ZNF718: variants seen among roughly 807,000 people sequenced by gnomAD.
ZNF718 encodes the protein zinc finger protein 718.
ZNF718 carries 3 observed loss-of-function variants against 2.6 expected under a neutral mutation model. The ratio of observed to expected loss-of-function variants is 1.16; its 90% CI spans 0.53 to 3.01. The LOEUF is 3.01. Ranked by LOEUF, ZNF718 falls within the 30% of genes most tolerant of loss-of-function variation. The pLI, the probability that ZNF718 is intolerant of heterozygous loss-of-function variation, is 0.03. For missense variants in ZNF718, 468 were observed against 230.0 expected (o/e 2.03, Z -6.69); for synonymous variants, 135 against 77.9 (o/e 1.73, Z -3.86).
chr4:172,724 A>G (rs1241466616), intron 3 of ZNF718, among the ~76,000 whole-genome samples: 8 of 152,172 alleles, frequency 5.3e-5, no homozygotes, highest in Non-Finnish European at 7.3e-5. Context: ...GAAACAACTG[A>G]TACTTTTTTT....
downstream of ZNF718, among the ~76,000 whole-genome samples, chr4:167,894 C>T (rs1456015338): frequency 2.0e-5 from 3 of 151,992 alleles, no homozygotes; most frequent in South Asian, 2.1e-4. Flanking sequence ...TGTGTTGAAT[C>T]GGAGTGGTGA....
At chr4:177,587 G>C (rs1717375472) in intron 3 of ZNF718, among the ~76,000 whole-genome samples, 1 of 152,028 alleles carries the variant, frequency 6.6e-6, no homozygotes, top group Non-Finnish European at 1.5e-5. Flanking sequence ...AACCAGATTT[G>C]TTCCTTCTCA....
chr4:165,374 T>C (rs1717063389), downstream of ZNF718, among the ~76,000 whole-genome samples: 1 of 152,208 alleles, frequency 6.6e-6, no homozygotes, highest in African/African-American at 2.4e-5. Flanking sequence ...TATGAAATTC[T>C]AAACAAAGTA....
chr4:195,700 T>C (rs1366725545), intron 3 of ZNF718, among the ~76,000 whole-genome samples: 3 of 152,112 alleles, frequency 2.0e-5, no homozygotes, highest in Admixed American at 6.5e-5. Context: ...CCGCTACAGA[T>C]TGAATGCATT....
At position 124,634 on chromosome 4, in the gene ZNF718, C is replaced by T; in HGVS notation, c.-37C>T. 6.2e-7 allele frequency: 1 copy of T among 1,605,922 alleles called. No homozygotes were observed. The highest frequency in any genetic ancestry group is 1.3e-5 in the African/African-American group (1 of 74,984). On this transcript the variant is annotated 5_prime_UTR_variant, in exon 1 of 4. Coordinates refer to ENST00000510175, the MANE Select transcript of ZNF718 (RefSeq NM_001039127.6). ...TGTGACCTGCCGGTATTGGATGATT[C>T]GTATCTAAGACTCTGGGACACTCCT...
At chr4:140,736 C>T (rs114382618) in intron 3 of ZNF718, among the ~76,000 whole-genome samples, 2,730 of 152,198 alleles carry the variant, frequency 0.018, 87 homozygotes, top group African/African-American at 0.062. Context: ...GTATACATGT[C>T]TAGATGTCTT....
intron 3 of ZNF718, among the ~76,000 whole-genome samples, chr4:139,777 C>T (rs753914484): frequency 2.0e-5 from 3 of 152,186 alleles, no homozygotes; most frequent in African/African-American, 7.2e-5. Context: ...CCTTTCTGCT[C>T]CATACAAGAG....
At chr4:158,477 A>G (rs1716675290) in intron 3 of ZNF718, among the ~76,000 whole-genome samples, 1 of 112,234 alleles carries the variant, frequency 8.9e-6, no homozygotes, top group East Asian at 4.6e-4. Context: ...TGATTTTTGT[A>G]TTGATAGGCC....
downstream of ZNF718, among the ~76,000 whole-genome samples, chr4:167,082 T>TC (rs1196745538): frequency 6.6e-6 from 1 of 152,188 alleles, no homozygotes; most frequent in Non-Finnish European, 1.5e-5. Context: ...TAGCCAGTTT[T>TC]CCCAGCACCA....
In ZNF718 at chr4:124,523, C is replaced by T. The variant is rs1452985541; in HGVS notation, c.-148C>T. ...CGCGGCTTTTGCTTGTAGCTCCAGC[C>T]AGAGCTCGGTTAGGGCCTCATCGCT... is the stretch of plus-strand genomic sequence containing the variant. On this transcript the variant is annotated 5_prime_UTR_variant, in exon 1 of 4. Transcript: ENST00000510175. 5 of 1,136,974 alleles carry T rather than the reference C, an allele frequency of 4.4e-6. No homozygotes were observed. Among genetic ancestry groups the T allele is most frequent in the African/African-American group, 1.5e-5 (1 of 65,352 alleles). 70.4% of individuals were successfully genotyped at this position (1,136,974 alleles called of 1,614,324 possible). A position where few individuals can be genotyped will look rare whatever the true frequency, so the allele number is the denominator to read the frequency against.
intron 3 of ZNF718, among the ~76,000 whole-genome samples, chr4:176,216 C>CCCCT (rs1481781169): frequency 6.6e-6 from 1 of 152,108 alleles, no homozygotes; most frequent in Non-Finnish European, 1.5e-5. Flanking sequence ...GAATTCCATT[C>CCCCT]AGGGTAAAAA....
At chr4:196,507 G>C (rs1376846337) in intron 3 of ZNF718, among the ~76,000 whole-genome samples, 1 of 152,184 alleles carries the variant, frequency 6.6e-6, no homozygotes, top group Non-Finnish European at 1.5e-5. Context: ...AGATACAGAG[G>C]TAAGGAGAAT....
chr4:199,073 AT>A (rs1198280020), intron 3 of ZNF718, among the ~76,000 whole-genome samples: 1 of 152,170 alleles, frequency 6.6e-6, no homozygotes, highest in African/African-American at 2.4e-5. Flanking sequence ...GAACAAAATT[AT>A]GTGTGTGAGC....
Position 131,443 on chromosome 4 carries a change from G to A in ZNF718, c.164G>A (p.Ser55Asn). The change falls in exon 3 of 4, where the codon AGT (serine) becomes AAT (asparagine). Residue 55 changes from serine to asparagine, a missense_variant. Ser to Asn is a conservative substitution (Grantham distance 46). Coordinates refer to ENST00000510175, the MANE Select transcript of ZNF718 (RefSeq NM_001039127.6). ...VSISNPDLVT[S>N]LEQRKEPYNL... ...ATCTCTAACCCAGACCTGGTCACCA[G>A]TCTGGAGCAAAGAAAAGAGCCCTAC... 1.9e-6 allele frequency: 1 copy of A among 526,456 alleles called. No homozygotes were observed. Among genetic ancestry groups the A allele is most frequent in the South Asian group, 3.2e-5 (1 of 31,576 alleles). 32.6% of individuals were successfully genotyped at this position (526,456 alleles called of 1,614,324 possible). A position where few individuals can be genotyped will look rare whatever the true frequency, so the allele number is the denominator to read the frequency against.
At chr4:193,461 TCTC>T (rs1314801990) in intron 3 of ZNF718, among the ~76,000 whole-genome samples, 2 of 152,236 alleles carry the variant, frequency 1.3e-5, no homozygotes, top group South Asian at 2.1e-4. Context: ...CCTTTTTCCT[TCTC>T]CTAATTCTAG....
At chr4:137,411 T>C (rs1466077144) in intron 3 of ZNF718, among the ~76,000 whole-genome samples, 1 of 149,658 alleles carries the variant, frequency 6.7e-6, no homozygotes, top group Non-Finnish European at 1.5e-5. Flanking sequence ...AATAACTTCA[T>C]TTTTTTTTTG....
chr4:158,625 C>T (rs1258639001), intron 3 of ZNF718, among the ~76,000 whole-genome samples: 1 of 151,654 alleles, frequency 6.6e-6, no homozygotes, highest in Non-Finnish European at 1.5e-5. Flanking sequence ...TGAAATTCTT[C>T]CTCATTATAT....
In ZNF718 at chr4:164,005, A is replaced by G. The variant is rs1161247146; in HGVS notation, c.*1883A>G. Reference sequence around the variant, plus strand: ...ATCACCTCAAGCATTTATCCTTTGTATTACAAACAATCCAATTATACACTT... The same window carrying G: ...ATCACCTCAAGCATTTATCCTTTGTGTTACAAACAATCCAATTATACACTT... On this transcript the variant is annotated 3_prime_UTR_variant, in exon 4 of 4. Transcript: ENST00000510175. 2 of 152,092 alleles carry G rather than the reference A, an allele frequency of 1.3e-5. No individual in the cohort carries two copies. Among genetic ancestry groups the G allele is most frequent in the Non-Finnish European group, 2.9e-5 (2 of 67,976 alleles). 9.4% of individuals were successfully genotyped at this position (152,092 alleles called of 1,614,324 possible).
chr4:184,794 T>A (rs1423036471), intron 3 of ZNF718, among the ~76,000 whole-genome samples: 1 of 152,194 alleles, frequency 6.6e-6, no homozygotes, highest in Non-Finnish European at 1.5e-5. Context: ...CTAGTTTATA[T>A]GTGTAGAAGT....
Sources: allele counts gnomAD v4.1 joint callset (sites outside exome capture counted in the v4.1 genomes callset), GRCh38; gene constraint gnomAD v4.1.1; transcripts MANE v1.5; gene names NCBI Gene and HGNC (gene_info 2026-07-23, HGNC 2026-07-21).